ABCA13: variants seen among roughly 807,000 people sequenced by gnomAD.
The protein encoded by ABCA13 is ATP binding cassette subfamily A member 13, also known as ATP-binding cassette sub-family A member 13.
Under a neutral mutation model 478.7 loss-of-function variants are expected in ABCA13, and 476 were observed. The ratio of observed to expected loss-of-function variants is 0.99; its 90% CI spans 0.92 to 1.07. The LOEUF (loss-of-function observed/expected upper bound fraction) is 1.07. Among genes scored for constraint, ABCA13 ranks in the 50% least tolerant of loss-of-function variants. The pLI is 0.00. For synonymous variants in ABCA13, 2,252 were observed against 2,158.9 expected (o/e 1.04, Z -1.20); for missense variants, 6,060 against 5,910.6 (o/e 1.03, Z -0.83).
chr7:48,510,106 C>G (rs1585648109), intron 50 of ABCA13, among the ~76,000 whole-genome samples: 1 of 152,166 alleles, frequency 6.6e-6, no homozygotes, highest in African/African-American at 2.4e-5. Flanking sequence ...GAAGATTGCT[C>G]CCTCAAAGAG....
chr7:48,222,009 T>G (rs899157557), intron 5 of ABCA13, among the ~76,000 whole-genome samples: 2 of 152,216 alleles, frequency 1.3e-5, no homozygotes, highest in Non-Finnish European at 2.9e-5. Context: ...CAGAAGCATA[T>G]GTGTCTGTAT....
intron 43 of ABCA13, among the ~76,000 whole-genome samples, chr7:48,459,497 A>G (rs1388079296): frequency 2.0e-5 from 3 of 152,184 alleles, no homozygotes; most frequent in Admixed American, 6.5e-5. Context: ...TGTTCCCAGC[A>G]AAATAAGAAT....
At position 48,528,259 on chromosome 7, in the gene ABCA13, T is replaced by A. The variant is rs780748473; in HGVS notation, c.14268T>A (p.Asn4756Lys). Residue 4756 changes from asparagine (N) to lysine (K), a missense_variant, in exon 55 of 62, where the codon AAT becomes AAA. Transcript: ENST00000435803. ...AGTGCTTTGGACTTCTAGGGGTGAA[T>A]GGAGCTGGGAAGAGCACGACTTTCA... ...KGECFGLLGV[N>K]GAGKSTTFKM... The A allele has an allele frequency of 1.5e-5, 24 of 1,577,362 alleles. No homozygotes were observed. Among genetic ancestry groups the A allele is most frequent in the Non-Finnish European group, 2.0e-5 (23 of 1,160,184 alleles).
At chr7:48,252,117 C>A (rs1356847647) in intron 15 of ABCA13, among the ~76,000 whole-genome samples, 1 of 152,036 alleles carries the variant, frequency 6.6e-6, no homozygotes, top group Non-Finnish European at 1.5e-5. Context: ...ACACTCTCTG[C>A]CCCTTTCTCT....
In ABCA13 at chr7:48,314,070, T is replaced by C. The variant is rs73323733; in HGVS notation, c.9682-162T>C. On this transcript the variant is annotated intron_variant, in intron 25 of 61. Coordinates refer to ENST00000435803, the MANE Select transcript of ABCA13 (RefSeq NM_152701.5). ...AGAAAAGTTACCGTAGTGTTTCAAA[T>C]GGTATCCCAAGGACAGAAAACTCTA... 8.8e-3 allele frequency among the ~76,000 whole-genome samples: 1,343 copies of C among 152,216 alleles called. 21 individuals carry two copies. The highest frequency in any genetic ancestry group is 0.027 in the African/African-American group (1,112 of 41,536).
chr7:48,376,482 G>C lies in ABCA13; in HGVS notation c.11245G>C (p.Gly3749Arg), dbSNP rs747950972. The change falls in exon 35 of 62, where the codon GGC (glycine) becomes CGC (arginine). Residue 3749 changes from glycine (G) to arginine (R), a missense_variant. This residue lies in a region of ABCA13 where 4,423 missense variants were observed against 4,309.1 expected (regional missense o/e 1.03). Transcript: ENST00000435803. ...TATGTACCAGGCTCTGGAACAAGGG[G>C]GCATGACATTTGGCTGGGTTTGCTG... is the stretch of plus-strand genomic sequence containing the variant. ...NNMYQALEQG[G>R]MTFGWVCWMI... 2 of 1,613,670 alleles carry C rather than the reference G, an allele frequency of 1.2e-6. No individual in the cohort carries two copies. Among genetic ancestry groups the C allele is most frequent in the Non-Finnish European group, 1.7e-6 (2 of 1,179,834 alleles).
At chr7:48,496,840 C>T (rs757050270) in intron 48 of ABCA13, among the ~76,000 whole-genome samples, 11 of 151,754 alleles carry the variant, frequency 7.2e-5, no homozygotes, top group East Asian at 5.8e-4. Context: ...CTCTTTGTGA[C>T]GGCTTTAAAG....
chr7:48,568,163 A>C (rs1298741005), intron 55 of ABCA13, among the ~76,000 whole-genome samples: 2 of 152,098 alleles, frequency 1.3e-5, no homozygotes, highest in African/African-American at 4.8e-5. Context: ...GAAACCCTAT[A>C]CCAATTAACA....
At position 48,374,358 on chromosome 7, in the gene ABCA13, G is replaced by A. The variant is rs375121850; in HGVS notation, c.11145G>A (p.Ser3715=). Residue 3715 remains serine, a synonymous_variant, in exon 34 of 62, where the codon TCG becomes TCA. Transcript: ENST00000435803. ...FVNQTFLCLL[S]TTAFGQGVFF... ...CAATCTGTGGGCAGTGCCTTCTTTCGACAACCGCCTTTGGACAAGGGGTAT... is the reference window on the plus strand; with the variant it reads ...CAATCTGTGGGCAGTGCCTTCTTTCAACAACCGCCTTTGGACAAGGGGTAT... 7.5e-5 allele frequency: 121 copies of A among 1,609,418 alleles called. 1 individual carries two copies. The African/African-American group carries it at 7.6e-4, about 10-fold the overall frequency.
At chr7:48,372,599 T>C (rs1339833257) in intron 33 of ABCA13, 102 bp downstream of exon 33, 2 of 984,688 alleles carry the variant, frequency 2.0e-6, no homozygotes, top group Non-Finnish European at 2.9e-6. Context: ...ATTTGTCATG[T>C]TCATATCTAC....
At chr7:48,186,085 T>C (rs752326676) in intron 1 of ABCA13, among the ~76,000 whole-genome samples, 36 of 152,036 alleles carry the variant, frequency 2.4e-4, no homozygotes, top group Admixed American at 2.4e-3. Flanking sequence ...TTAACCATTC[T>C]ATGTCCTTAT....
intron 42 of ABCA13, among the ~76,000 whole-genome samples, chr7:48,436,597 G>A (rs941941485): frequency 7.3e-5 from 11 of 151,484 alleles, no homozygotes; most frequent in Non-Finnish European, 1.2e-4. Context: ...TATTTTTTAA[G>A]GAATCATGTT....
chr7:48,624,866 TTTTC>T (rs949964552), intron 59 of ABCA13, among the ~76,000 whole-genome samples: 10 of 152,160 alleles, frequency 6.6e-5, no homozygotes, highest in Admixed American at 2.6e-4. Context: ...GTTTGTTTGT[TTTTC>T]TTTCTTTCTT....
chr7:48,204,107 C>G (rs531199186), intron 3 of ABCA13, among the ~76,000 whole-genome samples: 30 of 146,884 alleles, frequency 2.0e-4, no homozygotes, highest in Admixed American at 6.8e-4. Flanking sequence ...ACTCTCTTGA[C>G]ACTCTTTTTT....
chr7:48,593,711 G>C (rs571600267), intron 57 of ABCA13, among the ~76,000 whole-genome samples: 1 of 148,048 alleles, frequency 6.8e-6, no homozygotes, highest in South Asian at 2.1e-4. Context: ...AACTCTTTCA[G>C]CTTTTGTTTG....
intron 35 of ABCA13, among the ~76,000 whole-genome samples, chr7:48,377,051 G>A (rs991838352): frequency 6.6e-6 from 1 of 152,158 alleles, no homozygotes; most frequent in Non-Finnish European, 1.5e-5. Flanking sequence ...GCTGGACAGG[G>A]TGGGCTGGGA....
At chr7:48,489,426 G>C (rs1796734260) in intron 48 of ABCA13, 82 bp downstream of exon 48, 4 of 1,238,866 alleles carry the variant, frequency 3.2e-6, no homozygotes, top group Admixed American at 2.4e-5. Flanking sequence ...AAAAGTTTCT[G>C]AATAGAAATG....
intron 41 of ABCA13, among the ~76,000 whole-genome samples, chr7:48,427,352 T>G (rs1821570874): frequency 6.6e-6 from 1 of 152,210 alleles, no homozygotes; most frequent in South Asian, 2.1e-4. Flanking sequence ...ATGTATGAGA[T>G]CCCATCTACT....
At chr7:48,614,385 A>G (rs1042506457) in intron 58 of ABCA13, among the ~76,000 whole-genome samples, 5 of 151,528 alleles carry the variant, frequency 3.3e-5, no homozygotes, top group African/African-American at 9.6e-5. Context: ...TCAGGAAACA[A>G]CAGGTGCTGG....
Sources: gnomAD v4.1 joint callset for allele counts (sites outside exome capture counted in the v4.1 genomes callset) on GRCh38, gnomAD v4.1.1 for gene constraint, gnomAD v4.1.1 regional missense constraint, MANE v1.5 for transcripts, NCBI Gene and HGNC (gene_info 2026-07-23, HGNC 2026-07-21) for gene names.